Variants in SOS2 observed in about 807,000 individuals in gnomAD.
SOS2 encodes the protein SOS Ras/Rho guanine nucleotide exchange factor 2, also known as son of sevenless homolog 2.
SOS2 carries 65 observed loss-of-function variants against 148.2 expected under a neutral mutation model. That is an observed-to-expected ratio of 0.44 (90% CI 0.36 to 0.54). SOS2 has a LOEUF of 0.54. SOS2 is among the 20% of genes least tolerant of loss of function. The pLI is 0.00. For synonymous variants in SOS2, 539 were observed against 537.1 expected, an observed-to-expected ratio of 1.00 and a Z score of -0.05; for missense variants, 1,341 against 1,590.2, an observed-to-expected ratio of 0.84 and a Z score of 2.67.
At chr14:50,183,413 G>T (rs899136700) in intron 5 of SOS2, among the ~76,000 whole-genome samples, 1 of 151,370 alleles carries the variant, frequency 6.6e-6, no homozygotes, top group African/African-American at 2.4e-5. Context: ...CAATATAAGA[G>T]TTAAGGGTAT....
At chr14:50,221,083 A>C (rs897455015) in intron 1 of SOS2, among the ~76,000 whole-genome samples, 4 of 152,220 alleles carry the variant, frequency 2.6e-5, no homozygotes, top group Non-Finnish European at 5.9e-5. Context: ...TCTAAGAAAA[A>C]AACCAAAAAG....
chr14:50,182,446 T>C lies in SOS2; in HGVS notation c.858+17A>G. 8.1e-6 allele frequency: 13 copies of C among 1,611,436 alleles called. No homozygotes were observed. Among genetic ancestry groups the C allele is most frequent in the Non-Finnish European group, 1.1e-5 (13 of 1,177,670 alleles). On this transcript the variant is annotated intron_variant, in intron 6 of 22. Coordinates refer to ENST00000216373, the MANE Select transcript of SOS2 (RefSeq NM_006939.4). ...TTTAGGGCTTTAATGAGAATATAAGTAGTTTTGTAAACTTACTTCTGCCAA... is the reference window on the plus strand; with the variant it reads ...TTTAGGGCTTTAATGAGAATATAAGCAGTTTTGTAAACTTACTTCTGCCAA...
At chr14:50,138,144 A>AC (rs1884145599) in intron 18 of SOS2, among the ~76,000 whole-genome samples, 3 of 143,464 alleles carry the variant, frequency 2.1e-5, no homozygotes, top group Admixed American at 1.4e-4. Context: ...CCCAGCCGAT[A>AC]CTTATAGTTA....
chr14:50,221,686 A>G (rs1887206659), intron 1 of SOS2, among the ~76,000 whole-genome samples: 1 of 152,218 alleles, frequency 6.6e-6, no homozygotes, highest in African/African-American at 2.4e-5. Flanking sequence ...GATTTTTAAA[A>G]AATTAGCCAA....
intron 22 of SOS2, 122 bp from the exon 23 acceptor site, chr14:50,118,975 G>A: frequency 3.5e-6 from 2 of 565,832 alleles, no homozygotes; most frequent in South Asian, 3.4e-5. Context: ...ACTAATCTGG[G>A]TTAATTATCA....
At chr14:50,145,390 A>T in intron 15 of SOS2, 58 bp from the exon 16 acceptor site, 5 of 1,563,926 alleles carry the variant, frequency 3.2e-6, no homozygotes, top group Non-Finnish European at 4.3e-6. Flanking sequence ...TTAGAAAACA[A>T]GATAATTATG....
In SOS2 at chr14:50,120,256, GT is replaced by G; in HGVS notation, c.3489+18del. On this transcript the variant is annotated intron_variant, in intron 22 of 22. Transcript: ENST00000216373. The stretch of plus-strand genomic sequence containing the variant: ...GATTCACAACTTTGAATAAGTTGGA[GT>G]AAAGTCCTGTTGATTACCTTGGAAT... 1 of 1,122,234 alleles carries G rather than the reference GT, an allele frequency of 8.9e-7. No homozygotes were observed. Among genetic ancestry groups the G allele is most frequent in the Non-Finnish European group, 1.3e-6 (1 of 741,118 alleles). 69.5% of individuals were successfully genotyped at this position (1,122,234 alleles called of 1,614,324 possible). A position where few individuals can be genotyped will look rare whatever the true frequency, so the allele number is the denominator to read the frequency against.
intron 2 of SOS2, among the ~76,000 whole-genome samples, chr14:50,201,538 A>G (rs1169926073): frequency 1.3e-5 from 2 of 151,780 alleles, no homozygotes; most frequent in African/African-American, 2.4e-5. Flanking sequence ...AACAGAAAAA[A>G]AAAAAAAAAA....
intron 14 of SOS2, among the ~76,000 whole-genome samples, chr14:50,147,770 A>C (rs1171982992): frequency 3.9e-5 from 6 of 152,338 alleles, no homozygotes; most frequent in Non-Finnish European, 8.8e-5. Flanking sequence ...TGAGTATTTA[A>C]TTAAAATTCA....
intron 1 of SOS2, among the ~76,000 whole-genome samples, chr14:50,220,405 C>CGAAAAAAA (rs779813155): frequency 3.3e-5 from 1 of 30,446 alleles, no homozygotes; most frequent in African/African-American, 1.4e-4. Flanking sequence ...GACTCCATCT[C>CGAAAAAAA]AAAAAAAAAA....
rs1329480973 is a variant in SOS2, at chr14:50,180,585, G to A, written c.956C>T (p.Ala319Val). The A allele has an allele frequency of 7.5e-6, 11 of 1,459,782 alleles. No individual in the cohort carries two copies. The South Asian group carries it at 1.1e-4, about 15-fold the overall frequency. 90.4% of individuals were successfully genotyped at this position (1,459,782 alleles called of 1,614,324 possible). The change falls in exon 7 of 23, where the codon GCT becomes GTT. Residue 319 changes from alanine to valine, a missense_variant. Coordinates refer to ENST00000216373, the MANE Select transcript of SOS2 (RefSeq NM_006939.4). ...FNKLMARPAV[A>V]LHFQSIADGF... ...ATTTAAGTTTACCTGAAAGTGTAGA[G>A]CAACTGCAGGTCTGGCCATCAATTT...
At chr14:50,186,445 G>A (rs1184727777) in intron 5 of SOS2, among the ~76,000 whole-genome samples, 1 of 152,074 alleles carries the variant, frequency 6.6e-6, no homozygotes, top group Non-Finnish European at 1.5e-5. Context: ...TGGTAGAAAA[G>A]AAGCCACATT....
intron 4 of SOS2, among the ~76,000 whole-genome samples, chr14:50,191,348 G>A (rs1435776784): frequency 1.3e-5 from 2 of 151,990 alleles, no homozygotes; most frequent in African/African-American, 2.4e-5. Flanking sequence ...AGACACCTGC[G>A]GTCCTAACTA....
rs1306889983 is a variant in SOS2 at position 50,118,465 on chromosome 14, G to A, written c.3878C>T (p.Pro1293Leu). The change falls in exon 23 of 23, where the codon CCA becomes CTA. Residue 1293 changes from proline to leucine, a missense_variant. Physicochemically the swap from Pro to Leu is moderately conservative, Grantham distance 98 (BLOSUM62 -3). Coordinates refer to ENST00000216373, the MANE Select transcript of SOS2 (RefSeq NM_006939.4). ...ATGAGGGCTTGAATTCTGCCTTGGTGGAACAGGGGGAGCTGGAGGATGAGC... is the reference window on the plus strand; with the variant it reads ...ATGAGGGCTTGAATTCTGCCTTGGTAGAACAGGGGGAGCTGGAGGATGAGC... The part of the protein sequence containing the change: ...NLAHPPAPPV[P>L]PRQNSSPHLP... 1.2e-6 allele frequency: 2 copies of A among 1,614,028 alleles called. No individual in the cohort carries two copies. The highest frequency in any genetic ancestry group is 1.1e-5 in the South Asian group (1 of 91,086).
chr14:50,143,146 A>G (rs1218683837), intron 16 of SOS2, among the ~76,000 whole-genome samples: 32 of 152,102 alleles, frequency 2.1e-4, no homozygotes, highest in Admixed American at 2.1e-3. Context: ...TATCTTTAAT[A>G]TATGAAAAAT....
chr14:50,205,046 A>C (rs759237659), intron 1 of SOS2, among the ~76,000 whole-genome samples: 21 of 152,020 alleles, frequency 1.4e-4, no homozygotes, highest in Non-Finnish European at 3.1e-4. Context: ...GTGTCCTATA[A>C]ATATTTGTTG....
intron 8 of SOS2, among the ~76,000 whole-genome samples, chr14:50,168,875 C>A (rs1885265141): frequency 1.3e-5 from 2 of 152,058 alleles, no homozygotes; most frequent in Non-Finnish European, 2.9e-5. Context: ...GGTGATCTAC[C>A]AAGAGAGATT....
chr14:50,158,617 T>C lies in SOS2; in HGVS notation c.1882A>G (p.Thr628Ala). Residue 628 changes from threonine to alanine, a missense_variant, in exon 11 of 23, where the codon ACA (threonine) becomes GCA (alanine). Transcript: ENST00000216373. ...TGTGGTTTACAAAATGAACGATATG[T>C]GGTAAGAAAAGTACGAACAAAATTG... ...DPNFVRTFLT[T>A]YRSFCKPQEL... is the part of the protein sequence containing the mutation. The C allele has an allele frequency of 6.2e-7, 1 of 1,609,806 alleles. No individual in the cohort carries two copies. The highest frequency in any genetic ancestry group is 8.5e-7 in the Non-Finnish European group (1 of 1,177,666).
chr14:50,205,063 A>G (rs2139798902), intron 1 of SOS2, among the ~76,000 whole-genome samples: 1 of 152,156 alleles, frequency 6.6e-6, no homozygotes, highest in African/African-American at 2.4e-5. Flanking sequence ...GTTGAAAGAA[A>G]TTTAAAAAAG....
Sources: gnomAD v4.1 joint callset for allele counts (sites outside exome capture counted in the v4.1 genomes callset) on GRCh38, gnomAD v4.1.1 for gene constraint, MANE v1.5 for transcripts, NCBI Gene and HGNC (gene_info 2026-07-23, HGNC 2026-07-21) for gene names.